TCOF1: variants seen among roughly 807,000 people sequenced by gnomAD.
TCOF1 encodes the protein treacle protein.
TCOF1 carries 33 observed loss-of-function variants against 149.0 expected under a neutral mutation model. The observed-to-expected ratio is 0.22, with a 90% CI of 0.17 to 0.30. The LOEUF (loss-of-function observed/expected upper bound fraction) is 0.30, where lower values mean the gene tolerates loss of function less well. TCOF1 is among the 10% of genes least tolerant of loss of function. The pLI is 1.00. For synonymous variants in TCOF1, 789 were observed against 738.8 expected, an observed-to-expected ratio of 1.07 and a Z score of -1.10; for missense variants, 1,728 against 1,840.7, an observed-to-expected ratio of 0.94 and a Z score of 1.12.
intron 24 of TCOF1, among the ~76,000 whole-genome samples, chr5:150,397,175 G>T (rs551861264): frequency 4.2e-4 from 38 of 90,434 alleles, no homozygotes; most frequent in African/African-American, 4.4e-4. Flanking sequence ...AAAAAAAAAA[G>T]GCTGAGAAGT....
At chr5:150,368,006 G>A in intron 4 of TCOF1, 89 bp downstream of exon 4, 1 of 1,431,390 alleles carries the variant, frequency 7.0e-7, no homozygotes, top group Non-Finnish European at 9.7e-7. Context: ...GGATAGGGTT[G>A]TGAGTAATTG....
chr5:150,366,404 G>A (rs1342727316), intron 3 of TCOF1, among the ~76,000 whole-genome samples: 3 of 152,178 alleles, frequency 2.0e-5, no homozygotes, highest in Non-Finnish European at 2.9e-5. Context: ...TGAAGTATTT[G>A]TGGGCAACGT....
chr5:150,395,593 G>A (rs775602274), intron 23 of TCOF1, among the ~76,000 whole-genome samples: 9 of 151,716 alleles, frequency 5.9e-5, no homozygotes, highest in Non-Finnish European at 1.0e-4. Context: ...AAGCAGAGGC[G>A]TGGAAAATTC....
chr5:150,396,337 A>C lies in TCOF1; in HGVS notation c.3840A>C (p.Lys1280Asn). The change falls in exon 24 of 27, where the codon AAA becomes AAC. Residue 1280 changes from lysine (K) to asparagine (N), a missense_variant. By Grantham distance (94) the Lys-to-Asn change is moderately conservative (BLOSUM62 0). Coordinates refer to ENST00000643257, the MANE Select transcript of TCOF1 (RefSeq NM_001371623.1). The stretch of plus-strand genomic sequence containing the variant: ...CTCAGAAGTCCCGGAAGCCCAAGAA[A>C]GGGGCTGGGAACCCCCAAGCCTCAA... ...TTPQKSRKPK[K>N]GAGNPQASTL... is the part of the protein sequence containing the mutation. 1 of 1,613,948 alleles carries C rather than the reference A, an allele frequency of 6.2e-7. No individual in the cohort carries two copies. The highest frequency in any genetic ancestry group is 8.5e-7 in the Non-Finnish European group (1 of 1,180,036).
At chr5:150,361,327 C>A (rs1760037143) in intron 2 of TCOF1, 116 bp downstream of exon 2, 1 of 1,235,780 alleles carries the variant, frequency 8.1e-7, no homozygotes, top group South Asian at 1.2e-5. Flanking sequence ...ACTGTGGACA[C>A]CATTGTTGCC....
intron 18 of TCOF1, among the ~76,000 whole-genome samples, chr5:150,388,646 T>G (rs1234518411): frequency 6.6e-6 from 1 of 152,164 alleles, no homozygotes; most frequent in Non-Finnish European, 1.5e-5. Context: ...ATAGGACAAT[T>G]TAAAAATGCA....
rs1327464643 is a variant in TCOF1 at position 150,396,551 on chromosome 5, G to A, written c.4054G>A (p.Gly1352Arg). The change falls in exon 24 of 27, where the codon GGA becomes AGA. Residue 1352 changes from glycine to arginine, a missense_variant. This residue lies in a region of TCOF1 where 1,696 missense variants were observed against 1,765.4 expected (regional missense o/e 0.96). Coordinates refer to ENST00000643257, the MANE Select transcript of TCOF1 (RefSeq NM_001371623.1). ...GGAGAGCCGCAAGCGGAAGCTATCG[G>A]GAGACCAGCCAGCTGCCAGGACCCC... is the stretch of plus-strand genomic sequence containing the variant. ...GWESRKRKLS[G>R]DQPAARTPRS... 6.3e-7 allele frequency: 1 copy of A among 1,592,056 alleles called. No individual in the cohort carries two copies. Among genetic ancestry groups the A allele is most frequent in the South Asian group, 1.1e-5 (1 of 89,014 alleles).
chr5:150,379,274 A>T lies in TCOF1; in HGVS notation c.2524A>T (p.Arg842Trp). 6.2e-7 allele frequency: 1 copy of T among 1,614,220 alleles called. No individual in the cohort carries two copies. Among genetic ancestry groups the T allele is most frequent in the Non-Finnish European group, 8.5e-7 (1 of 1,180,034 alleles). ...CCCCCAGAACAGTACCGTCTTGGCG[A>T]GGGGCCCAGCATCTGTGCCATCTGT... Reference protein sequence around the residue: ...RNPQNSTVLARGPASVPSVGK... With the variant: ...RNPQNSTVLAWGPASVPSVGK... Residue 842 changes from arginine (R) to tryptophan (W), a missense_variant, in exon 16 of 27, where the codon AGG (arginine) becomes TGG (tryptophan). By Grantham distance (101) the Arg-to-Trp change is moderately radical (BLOSUM62 -3). Transcript: ENST00000643257.
intron 2 of TCOF1, among the ~76,000 whole-genome samples, chr5:150,361,559 G>A (rs1760099194): frequency 6.6e-6 from 1 of 152,192 alleles, no homozygotes; most frequent in Non-Finnish European, 1.5e-5. Context: ...CTTCTTTCCT[G>A]CAGCTGACAT....
chr5:150,381,130 A>G (rs1369429130), intron 17 of TCOF1, among the ~76,000 whole-genome samples: 2 of 152,198 alleles, frequency 1.3e-5, no homozygotes, highest in Admixed American at 1.3e-4. Flanking sequence ...AGCTTCAGCC[A>G]GTCATGACTG....
At chr5:150,385,214 C>T (rs1404837500) in intron 17 of TCOF1, 2 of 525,820 alleles carry the variant, frequency 3.8e-6, no homozygotes, top group Non-Finnish European at 4.9e-6. Context: ...TTGTCAAAGA[C>T]GTAGGCCCTG....
chr5:150,362,987 C>A (rs1241988684), intron 2 of TCOF1, among the ~76,000 whole-genome samples: 2 of 152,136 alleles, frequency 1.3e-5, no homozygotes, highest in African/African-American at 4.8e-5. Flanking sequence ...GATTTCTTGG[C>A]CTCCCTGAGT....
At position 150,393,367 on chromosome 5, in the gene TCOF1, T is replaced by G. The variant is rs1252604824; in HGVS notation, c.3604-5T>G. On this transcript the variant is annotated splice_polypyrimidine_tract_variant and splice_region_variant and intron_variant, in intron 22 of 26. Transcript: ENST00000643257. The stretch of plus-strand genomic sequence containing the variant: ...GGCAGCCTCTTTCACAATGGGCTTC[T>G]TCAGTCTCTCCTCTCAGGTTATATG... 2 of 1,613,878 alleles carry G rather than the reference T, an allele frequency of 1.2e-6. No homozygotes were observed. Among genetic ancestry groups the G allele is most frequent in the African/African-American group, 2.7e-5 (2 of 74,874 alleles).
At position 150,396,849 on chromosome 5, in the gene TCOF1, G is replaced by C; in HGVS notation, c.4345+7G>C. 6.3e-7 allele frequency: 1 copy of C among 1,587,002 alleles called. No homozygotes were observed. The highest frequency in any genetic ancestry group is 8.6e-7 in the Non-Finnish European group (1 of 1,167,502). On this transcript the variant is annotated splice_region_variant and intron_variant, in intron 24 of 26. Coordinates refer to ENST00000643257, the MANE Select transcript of TCOF1 (RefSeq NM_001371623.1). ...AAGAAGAAATCCGACAAGAGTGAGT[G>C]ACCGCTTCTCCCAGCCCACCCCAAG...
chr5:150,389,610 T>C (rs1408360021), intron 18 of TCOF1, among the ~76,000 whole-genome samples: 1 of 152,206 alleles, frequency 6.6e-6, no homozygotes, highest in Admixed American at 6.5e-5. Context: ...GGCCCATTGC[T>C]CAGGAGTGGC....
rs374052117 is a variant in TCOF1 at position 150,374,581 on chromosome 5, T to C, written c.1084-36T>C. On this transcript the variant is annotated intron_variant, in intron 8 of 26. Coordinates refer to ENST00000643257, the MANE Select transcript of TCOF1 (RefSeq NM_001371623.1). ...TGTCCTGTGTCTCCTCACACGTCCA[T>C]CCTCTGGGCTGTCTCCCCTTGTCTT... 186 of 1,611,424 alleles carry C rather than the reference T, an allele frequency of 1.2e-4. No individual in the cohort carries two copies. The African/African-American group carries it at 2.3e-3, about 20-fold the overall frequency.
chr5:150,398,995 G>C (rs1332997192), intron 25 of TCOF1, 27 bp from the exon 26 acceptor site: 2 of 1,614,148 alleles, frequency 1.2e-6, no homozygotes, highest in East Asian at 4.5e-5. Flanking sequence ...GCAGGTCTGA[G>C]AGCCTCTCGT....
chr5:150,375,947 C>T, intron 12 of TCOF1, 38 bp downstream of exon 12: 3 of 1,614,032 alleles, frequency 1.9e-6, no homozygotes, highest in Non-Finnish European at 2.5e-6. Context: ...ATGGCCTGAT[C>T]TGCCACACCA....
intron 17 of TCOF1, among the ~76,000 whole-genome samples, chr5:150,382,299 T>A (rs1765390023): frequency 6.6e-6 from 1 of 152,192 alleles, no homozygotes; most frequent in Non-Finnish European, 1.5e-5. Flanking sequence ...CCCTGAAGCA[T>A]GTGGTAGGGG....
Sources: allele counts gnomAD v4.1 joint callset (sites outside exome capture counted in the v4.1 genomes callset), GRCh38; gene constraint gnomAD v4.1.1; regional missense constraint gnomAD v4.1.1; transcripts MANE v1.5; gene names NCBI Gene and HGNC (gene_info 2026-07-23, HGNC 2026-07-21).